Variants in CUX2 observed in about 807,000 individuals in gnomAD.
The protein encoded by CUX2 is cut like homeobox 2, also known as homeobox protein cut-like 2.
A neutral mutation model predicts 144.8 loss-of-function variants in CUX2; 40 were observed. The observed-to-expected ratio is 0.28, with a 90% CI of 0.21 to 0.36. The LOEUF (loss-of-function observed/expected upper bound fraction) is 0.36, where lower values mean the gene tolerates loss of function less well. Among genes scored for constraint, CUX2 ranks in the 10% least tolerant of loss-of-function variants. The pLI is 1.00. For synonymous variants in CUX2, 827 were observed against 875.6 expected (o/e 0.94, Z 0.98); for missense variants, 1,615 against 1,994.0 (o/e 0.81, Z 3.62).
At chr12:111,055,980 C>T (rs1217496715) in intron 1 of CUX2, among the ~76,000 whole-genome samples, 2 of 152,250 alleles carry the variant, frequency 1.3e-5, no homozygotes, top group Non-Finnish European at 2.9e-5. Flanking sequence ...GTGTTATCTT[C>T]TGTAACATGG....
intron 4 of CUX2, among the ~76,000 whole-genome samples, chr12:111,265,291 C>CTATTTTATTTTATTTTATTTTTATTT (rs1250454651): frequency 1.3e-5 from 2 of 149,594 alleles, no homozygotes; most frequent in African/African-American, 5.0e-5. Context: ...AAAGCTTCCC[C>CTATTTTATTTTATTTTATTTTTATTT]TATTTTATTT....
chr12:111,116,583 C>T (rs755860767), intron 1 of CUX2, among the ~76,000 whole-genome samples: 1 of 152,040 alleles, frequency 6.6e-6, no homozygotes, highest in Non-Finnish European at 1.5e-5. Flanking sequence ...GACAAGTTCC[C>T]GAGGCATATT....
rs552791280 is a variant in CUX2 at position 111,063,424 on chromosome 12, G to A, written c.63+29184G>A. On this transcript the variant is annotated intron_variant, in intron 1 of 21. Coordinates refer to ENST00000261726, the MANE Select transcript of CUX2 (RefSeq NM_015267.4). ...TTTTTTTCCTCCAGTATCTGTACGT[G>A]TGTGAGCATGTGAGACGCTGTGCTA... Among the ~76,000 whole-genome samples, 4 of 152,180 alleles carry A rather than the reference G, an allele frequency of 2.6e-5. No individual in the cohort carries two copies. In the South Asian group the frequency reaches 8.3e-4, roughly 32 times the overall value.
chr12:111,317,247 G>A (rs978694626), intron 16 of CUX2, among the ~76,000 whole-genome samples: 3 of 152,136 alleles, frequency 2.0e-5, no homozygotes, highest in Admixed American at 6.5e-5. Context: ...TGTCGGGAAC[G>A]CTTCTCTGAG....
At chr12:111,089,142 A>T (rs1249129555) in intron 1 of CUX2, among the ~76,000 whole-genome samples, 1 of 152,174 alleles carries the variant, frequency 6.6e-6, no homozygotes, top group Non-Finnish European at 1.5e-5. Flanking sequence ...TCCTGTGGTA[A>T]TGATCACGGT....
intron 3 of CUX2, among the ~76,000 whole-genome samples, chr12:111,235,858 C>A (rs1029721058): frequency 6.6e-6 from 1 of 152,084 alleles, no homozygotes; most frequent in Non-Finnish European, 1.5e-5. Flanking sequence ...GACAGAGGGT[C>A]TGGGGCTCAG....
chr12:111,220,937 TAAAAAAAA>T (rs1162004039), intron 3 of CUX2, among the ~76,000 whole-genome samples: 9 of 92,072 alleles, frequency 9.8e-5, no homozygotes, highest in African/African-American at 3.0e-4. Flanking sequence ...CCTGGTCTCT[TAAAAAAAA>T]AAAAAAAAAA....
intron 4 of CUX2, among the ~76,000 whole-genome samples, chr12:111,282,264 G>A (rs1173592968): frequency 6.6e-6 from 1 of 150,524 alleles, no homozygotes; most frequent in Non-Finnish European, 1.5e-5. Flanking sequence ...AGAGCTTGCA[G>A]TGAGCCAAGA....
At chr12:111,131,146 G>GC (rs1875446224) in intron 1 of CUX2, among the ~76,000 whole-genome samples, 1 of 152,210 alleles carries the variant, frequency 6.6e-6, no homozygotes, top group African/African-American at 2.4e-5. Flanking sequence ...CCACATGGCT[G>GC]CGGTGGCCTC....
intron 21 of CUX2, among the ~76,000 whole-genome samples, chr12:111,346,658 C>T (rs1318680203): frequency 6.6e-6 from 1 of 152,122 alleles, no homozygotes; most frequent in Non-Finnish European, 1.5e-5. Context: ...GAAACAGAAA[C>T]CCCTGTTGTT....
intron 1 of CUX2, among the ~76,000 whole-genome samples, chr12:111,188,019 C>T (rs904553947): frequency 6.6e-6 from 1 of 152,240 alleles, no homozygotes; most frequent in Non-Finnish European, 1.5e-5. Context: ...GGACATATTT[C>T]GAAAACCTTC....
intron 1 of CUX2, among the ~76,000 whole-genome samples, chr12:111,121,116 AAAAC>A (rs1874633515): frequency 6.6e-6 from 1 of 151,584 alleles, no homozygotes; most frequent in Non-Finnish European, 1.5e-5. Flanking sequence ...AAAAAAAAAA[AAAAC>A]AACCCACAAC....
rs1020743945 is a variant in CUX2, at chr12:111,160,386, C to T, written c.64-53814C>T. Among the ~76,000 whole-genome samples, 6 of 151,974 alleles carry T rather than the reference C, an allele frequency of 3.9e-5. No homozygotes were observed. Among genetic ancestry groups the T allele is most frequent in the Admixed American group, 6.6e-5 (1 of 15,262 alleles). Reference sequence around the variant, plus strand: ...GTGTGTATGGGCAAGCATGTGTGTGCGGGCATCTGGGCGTATTCGGGACGT... The same window carrying T: ...GTGTGTATGGGCAAGCATGTGTGTGTGGGCATCTGGGCGTATTCGGGACGT... On this transcript the variant is annotated intron_variant, in intron 1 of 21. Transcript: ENST00000261726. The surrounding 1 kb of genome is among the most constrained non-coding windows in gnomAD (Gnocchi z 4.1).
intron 20 of CUX2, among the ~76,000 whole-genome samples, chr12:111,339,820 C>T (rs1888507214): frequency 1.3e-5 from 2 of 152,210 alleles, no homozygotes; most frequent in African/African-American, 4.8e-5. Context: ...TGGTTGAGAA[C>T]TTGACCTTCT....
chr12:111,320,793 C>G lies in CUX2; in HGVS notation c.2766+18C>G. 1.3e-6 allele frequency: 2 copies of G among 1,488,952 alleles called. No individual in the cohort carries two copies. The highest frequency in any genetic ancestry group is 1.8e-6 in the Non-Finnish European group (2 of 1,122,754). The allele number at this position is 1,488,952 out of a possible 1,614,324, so 92.2% of individuals were successfully genotyped here. On this transcript the variant is annotated intron_variant, in intron 17 of 21. Coordinates refer to ENST00000261726, the MANE Select transcript of CUX2 (RefSeq NM_015267.4). The surrounding 1 kb of genome is among the most constrained non-coding windows in gnomAD (Gnocchi z 8.1). The stretch of plus-strand genomic sequence containing the variant: ...GGGAGAAGGTGAGTGCAGGGCGGGC[C>G]CCCGGTGTCTGGGCTCTGGGAGAAG...
In CUX2 at chr12:111,205,181, C is replaced by T. The variant is rs185009877; in HGVS notation, c.64-9019C>T. On this transcript the variant is annotated intron_variant, in intron 1 of 21. Coordinates refer to ENST00000261726, the MANE Select transcript of CUX2 (RefSeq NM_015267.4). The stretch of plus-strand genomic sequence containing the variant: ...TGTCTCCTCACTTATGGCAGGCCGG[C>T]GGGTGCCCTCCATCCCGGGTCATCC... 3.9e-5 allele frequency among the ~76,000 whole-genome samples: 6 copies of T among 152,200 alleles called. No homozygotes were observed. The East Asian group carries it at 9.7e-4, about 25-fold the overall frequency.
At chr12:111,234,563 A>T (rs1882637392) in intron 3 of CUX2, among the ~76,000 whole-genome samples, 1 of 152,222 alleles carries the variant, frequency 6.6e-6, no homozygotes, top group East Asian at 1.9e-4. Context: ...TTCTGGAGGA[A>T]GTGAGGTCCC....
intron 3 of CUX2, among the ~76,000 whole-genome samples, chr12:111,239,778 T>C (rs1882935031): frequency 6.6e-6 from 1 of 152,214 alleles, no homozygotes. Flanking sequence ...CTGCCAGGGC[T>C]ACCTGGGCCA....
Position 111,330,686 on chromosome 12 carries a change from CATATATATATATAT to C in CUX2, c.2927-3703_2927-3690del, listed in dbSNP as rs57018141. Among the ~76,000 whole-genome samples, 222 of 59,264 alleles carry C rather than the reference CATATATATATATAT, an allele frequency of 3.7e-3. 1 individual carries two copies. Among genetic ancestry groups the C allele is most frequent in the Non-Finnish European group, 5.5e-3 (141 of 25,866 alleles). 38.9% of individuals were successfully genotyped at this position (59,264 alleles called of 152,430 possible). On this transcript the variant is annotated intron_variant, in intron 18 of 21. Transcript: ENST00000261726. ...CTATCTCTATTTAAAAATACATATA[CATATATATATATAT>C]ATATATATATATATATATATATATA...
Sources: allele counts gnomAD v4.1 joint callset (sites outside exome capture counted in the v4.1 genomes callset), GRCh38; gene constraint gnomAD v4.1.1; non-coding constraint Gnocchi (gnomAD v3.1); transcripts MANE v1.5; gene names NCBI Gene and HGNC (gene_info 2026-07-23, HGNC 2026-07-21).